The following CRIM1 variants were observed in gnomAD, a reference collection of about 807,000 sequenced individuals.
CRIM1 encodes the protein cysteine rich transmembrane BMP regulator 1.
In CRIM1, 32 loss-of-function variants were observed where a neutral mutation model predicts 116.4. The observed-to-expected ratio is 0.27, with a 90% confidence interval of 0.21 to 0.37. The LOEUF is 0.37. CRIM1 is among the 10% of genes least tolerant of loss of function. CRIM1 has a pLI of 1.00. For missense variants in CRIM1, 1,331 were observed against 1,354.8 expected, an observed-to-expected ratio of 0.98 and a Z score of 0.28; for synonymous variants, 590 against 509.2, an observed-to-expected ratio of 1.16 and a Z score of -2.13.
At chr2:36,401,049 T>C (rs1255176650) in intron 2 of CRIM1, among the ~76,000 whole-genome samples, 2 of 152,088 alleles carry the variant, frequency 1.3e-5, no homozygotes, top group Admixed American at 1.3e-4. Context: ...TCTGTGTTTT[T>C]GGTGGTGATG....
At chr2:36,479,016 G>T (rs978565881) in intron 6 of CRIM1, among the ~76,000 whole-genome samples, 1 of 152,140 alleles carries the variant, frequency 6.6e-6, no homozygotes, top group Non-Finnish European at 1.5e-5. Context: ...GACCACTGTT[G>T]CCCACATGGT....
At chr2:36,540,873 G>A (rs1666896443) in intron 14 of CRIM1, among the ~76,000 whole-genome samples, 1 of 152,134 alleles carries the variant, frequency 6.6e-6, no homozygotes, top group Non-Finnish European at 1.5e-5. Context: ...ATTCTCCTTG[G>A]TTTGTGAGTT....
intron 1 of CRIM1, among the ~76,000 whole-genome samples, chr2:36,374,203 G>C (rs1670146369): frequency 6.6e-6 from 1 of 152,214 alleles, no homozygotes; most frequent in East Asian, 1.9e-4. Flanking sequence ...CTTGCCTCGT[G>C]AAAGGAGACC....
At chr2:36,451,543 G>C (rs1676724939) in intron 4 of CRIM1, among the ~76,000 whole-genome samples, 1 of 152,230 alleles carries the variant, frequency 6.6e-6, no homozygotes, top group South Asian at 2.1e-4. Flanking sequence ...TTATTCCTCT[G>C]TTCTGGAACA....
In CRIM1 at chr2:36,478,537, G is replaced by T. The variant is rs72866808; in HGVS notation, c.1175-960G>T. On this transcript the variant is annotated intron_variant, in intron 6 of 16. Coordinates refer to ENST00000280527, the MANE Select transcript of CRIM1 (RefSeq NM_016441.3). Reference sequence around the variant, plus strand: ...AATTTAAAAAATCTTCTCTTGCTCAGGTCCATTGGCCGCCTCCCTCTCTGG... The same window carrying T: ...AATTTAAAAAATCTTCTCTTGCTCATGTCCATTGGCCGCCTCCCTCTCTGG... Among the ~76,000 whole-genome samples, 475 of 152,274 alleles carry T rather than the reference G, an allele frequency of 3.1e-3. 2 individuals carry two copies. The highest frequency in any genetic ancestry group is 0.011 in the African/African-American group (452 of 41,556).
intron 4 of CRIM1, among the ~76,000 whole-genome samples, chr2:36,463,703 T>C (rs1677764772): frequency 6.6e-6 from 1 of 152,206 alleles, no homozygotes; most frequent in Non-Finnish European, 1.5e-5. Context: ...TTATTTCACC[T>C]GCCCGTATTT....
intron 2 of CRIM1, among the ~76,000 whole-genome samples, chr2:36,425,382 T>C (rs140604144): frequency 6.6e-6 from 1 of 152,342 alleles, no homozygotes; most frequent in Non-Finnish European, 1.5e-5. Flanking sequence ...GTTAAAACTA[T>C]TTCACTAGGA....
chr2:36,442,144 G>A (rs546253551), intron 3 of CRIM1, among the ~76,000 whole-genome samples: 31 of 152,114 alleles, frequency 2.0e-4, no homozygotes, highest in African/African-American at 6.0e-4. Flanking sequence ...CAGCATTTCC[G>A]ATGTGGTCTG....
intron 1 of CRIM1, among the ~76,000 whole-genome samples, chr2:36,363,567 A>G (rs566729088): frequency 7.4e-6 from 1 of 135,708 alleles, no homozygotes; most frequent in Non-Finnish European, 1.6e-5. Context: ...TACCTTGTCT[A>G]AATGATTTCT....
chr2:36,368,441 C>T (rs577872564), intron 1 of CRIM1, among the ~76,000 whole-genome samples: 3 of 152,332 alleles, frequency 2.0e-5, no homozygotes, highest in South Asian at 2.1e-4. Context: ...TGTTGTCCAG[C>T]GGCAGGACGT....
At chr2:36,523,966 CA>C (rs1298713135) in intron 13 of CRIM1, among the ~76,000 whole-genome samples, 1 of 152,224 alleles carries the variant, frequency 6.6e-6, no homozygotes, top group East Asian at 1.9e-4. Flanking sequence ...CTGTAATGGT[CA>C]AAGAGTAATA....
intron 11 of CRIM1, among the ~76,000 whole-genome samples, chr2:36,516,485 C>T (rs1665039661): frequency 6.6e-6 from 1 of 152,218 alleles, no homozygotes; most frequent in Non-Finnish European, 1.5e-5. Flanking sequence ...CATTAAATTC[C>T]CTCTCTATCA....
At chr2:36,408,733 G>T (rs1240895046) in intron 2 of CRIM1, among the ~76,000 whole-genome samples, 1 of 152,028 alleles carries the variant, frequency 6.6e-6, no homozygotes, top group Non-Finnish European at 1.5e-5. Flanking sequence ...CCAAGACCAT[G>T]ATCTGGGATT....
At chr2:36,455,185 C>A (rs1460644391) in intron 4 of CRIM1, among the ~76,000 whole-genome samples, 1 of 152,110 alleles carries the variant, frequency 6.6e-6, no homozygotes, top group Non-Finnish European at 1.5e-5. Context: ...GGCTGCAGGA[C>A]TGAGTCACCG....
At chr2:36,487,653 C>T (rs1679927722) in intron 7 of CRIM1, among the ~76,000 whole-genome samples, 1 of 151,572 alleles carries the variant, frequency 6.6e-6, no homozygotes, top group African/African-American at 2.4e-5. Context: ...TCTTCTATGA[C>T]ATAGTAATTT....
chr2:36,513,403 T>C, intron 10 of CRIM1, 153 bp from the exon 11 acceptor site: 1 of 629,926 alleles, frequency 1.6e-6, no homozygotes, highest in East Asian at 2.7e-5. Flanking sequence ...ACATACTGAC[T>C]TAAATTCTTT....
chr2:36,477,626 T>A (rs1283399954), intron 6 of CRIM1, among the ~76,000 whole-genome samples: 2 of 152,176 alleles, frequency 1.3e-5, no homozygotes. Context: ...TGACACCAAC[T>A]CAAGGCCCAG....
At position 36,464,512 on chromosome 2, in the gene CRIM1, C is replaced by G. The variant is rs369123542; in HGVS notation, c.870-22C>G. ...GTTGTTGTTTATTCATGGGGTTTTC[C>G]TTCCCTTTTCTTTGGTTTCAGATGC... On this transcript the variant is annotated intron_variant, in intron 4 of 16. Coordinates refer to ENST00000280527, the MANE Select transcript of CRIM1 (RefSeq NM_016441.3). The G allele has an allele frequency of 6.2e-6, 10 of 1,613,508 alleles. No individual in the cohort carries two copies. The African/African-American group carries it at 1.3e-4, about 22-fold the overall frequency.
chr2:36,417,827 G>A (rs1220000593), intron 2 of CRIM1, among the ~76,000 whole-genome samples: 3 of 152,154 alleles, frequency 2.0e-5, no homozygotes, highest in African/African-American at 7.2e-5. Context: ...TAATTTACAG[G>A]TACGAGAAAA....
Sources: allele counts gnomAD v4.1 joint callset (sites outside exome capture counted in the v4.1 genomes callset), GRCh38; gene constraint gnomAD v4.1.1; transcripts MANE v1.5; gene names NCBI Gene and HGNC (gene_info 2026-07-23, HGNC 2026-07-21).